DNAH9: variants seen among roughly 807,000 people sequenced by gnomAD.
DNAH9 encodes the protein dynein axonemal heavy chain 9.
In DNAH9, 345 loss-of-function variants were observed where a neutral mutation model predicts 471.6. The ratio of observed to expected loss-of-function variants is 0.73; its 90% CI spans 0.67 to 0.80. The LOEUF (loss-of-function observed/expected upper bound fraction) is 0.80. Among genes scored for constraint, DNAH9 ranks in the 30% least tolerant of loss-of-function variants. The pLI, the probability that DNAH9 is intolerant of heterozygous loss-of-function variation, is 0.00. For missense variants in DNAH9, 5,407 were observed against 5,609.2 expected (o/e 0.96, Z 1.15); for synonymous variants, 2,093 against 2,123.6 (o/e 0.99, Z 0.40).
Position 11,752,170 on chromosome 17 carries a change from T to A in DNAH9, c.6611-663T>A, listed in dbSNP as rs185173493. The stretch of plus-strand genomic sequence containing the variant: ...AAAATCAATTCTGCCCAAATTAATA[T>A]ATAAATTTCAGGTAATGACAATTAG... On this transcript the variant is annotated intron_variant, in intron 32 of 68. Transcript: ENST00000262442. Among the ~76,000 whole-genome samples the A allele has an allele frequency of 7.8e-4, 119 of 152,340 alleles. 1 individual carries two copies. The highest frequency in any genetic ancestry group is 2.7e-3 in the African/African-American group (112 of 41,578).
intron 48 of DNAH9, among the ~76,000 whole-genome samples, chr17:11,834,328 C>CAAAAAAAAAAAAAAAAAAAAAAAAA (rs762924565): frequency 1.3e-5 from 1 of 77,820 alleles, no homozygotes; most frequent in Admixed American, 2.0e-4. Context: ...GACTCCGTCT[C>CAAAAAAAAAAAAAAAAAAAAAAAAA]AAAAAAAAAA....
intron 14 of DNAH9, among the ~76,000 whole-genome samples, chr17:11,654,539 GA>G (rs1042195702): frequency 6.6e-6 from 1 of 151,530 alleles, no homozygotes; most frequent in African/African-American, 2.4e-5. Flanking sequence ...CAGTGACCTA[GA>G]AAAAAGTACA....
At chr17:11,920,577 C>CAT (rs1974106265) in intron 61 of DNAH9, among the ~76,000 whole-genome samples, 1 of 145,274 alleles carries the variant, frequency 6.9e-6, no homozygotes, top group Non-Finnish European at 1.5e-5. Flanking sequence ...GCTGAGATTG[C>CAT]GCCATTGCAC....
chr17:11,683,143 A>AT (rs954050375), intron 19 of DNAH9, among the ~76,000 whole-genome samples: 2 of 152,080 alleles, frequency 1.3e-5, no homozygotes, highest in African/African-American at 4.8e-5. Flanking sequence ...AGACACTAAT[A>AT]TTTTTGCACC....
At chr17:11,907,990 T>G (rs149614779) in intron 61 of DNAH9, among the ~76,000 whole-genome samples, 30 of 152,340 alleles carry the variant, frequency 2.0e-4, no homozygotes, top group African/African-American at 7.2e-4. Context: ...TGCACTGTGT[T>G]CTGTCTGTGT....
At chr17:11,926,052 A>G (rs2151031351) in intron 62 of DNAH9, among the ~76,000 whole-genome samples, 1 of 149,094 alleles carries the variant, frequency 6.7e-6, no homozygotes, top group South Asian at 2.1e-4. Flanking sequence ...AAAAAAAAAA[A>G]AAAAAAAAAA....
intron 59 of DNAH9, among the ~76,000 whole-genome samples, chr17:11,895,397 A>G (rs1973188627): frequency 6.6e-6 from 1 of 152,180 alleles, no homozygotes; most frequent in African/African-American, 2.4e-5. Flanking sequence ...TCCCATGTTT[A>G]TTGCATTTTA....
chr17:11,877,460 C>T (rs908497122), intron 53 of DNAH9, among the ~76,000 whole-genome samples: 4 of 69,904 alleles, frequency 5.7e-5, no homozygotes, highest in Non-Finnish European at 7.7e-5. Context: ...GGGACAAGAA[C>T]GAAAACTCTG....
At chr17:11,665,553 C>T (rs1342652744) in intron 15 of DNAH9, among the ~76,000 whole-genome samples, 2 of 151,732 alleles carry the variant, frequency 1.3e-5, no homozygotes, top group Admixed American at 6.6e-5. Flanking sequence ...CAATTAAAGG[C>T]TTTGAATTTA....
intron 38 of DNAH9, among the ~76,000 whole-genome samples, chr17:11,779,693 C>T (rs554749176): frequency 6.6e-6 from 1 of 152,276 alleles, no homozygotes; most frequent in South Asian, 2.1e-4. Context: ...AAGAACTGTT[C>T]TCAAAAGCAT....
Position 11,669,796 on chromosome 17 carries a change from T to TA in DNAH9, c.3353+3dup. The TA allele has an allele frequency of 6.2e-7, 1 of 1,612,034 alleles. No homozygotes were observed. The highest frequency in any genetic ancestry group is 8.5e-7 in the Non-Finnish European group (1 of 1,178,556). ...TCTTGTGGACCACGTCACTCACAGG[T>TA]ACAACAGTTGTTTTCACTTTCTTCC... On this transcript the variant is annotated splice_region_variant and intron_variant, in intron 17 of 68. Transcript: ENST00000262442.
At chr17:11,931,001 C>G (rs916592335) in intron 63 of DNAH9, among the ~76,000 whole-genome samples, 17 of 152,020 alleles carry the variant, frequency 1.1e-4, no homozygotes, top group Admixed American at 7.2e-4. Flanking sequence ...AGGTCCAAGC[C>G]CGTGGTGGCC....
At position 11,834,796 on chromosome 17, in the gene DNAH9, C is replaced by G; in HGVS notation, c.9405C>G (p.Ile3135Met). 1 of 1,614,086 alleles carries G rather than the reference C, an allele frequency of 6.2e-7. No individual in the cohort carries two copies. The highest frequency in any genetic ancestry group is 1.1e-5 in the South Asian group (1 of 91,062). The change falls in exon 49 of 69, where the codon ATC becomes ATG. Residue 3135 changes from isoleucine (I) to methionine (M), a missense_variant. Ile to Met is a conservative substitution (Grantham distance 10, BLOSUM62 1). Transcript: ENST00000262442. The part of the protein sequence containing the change: ...ADEEEQKVAV[I>M]MLEVKQKQKD... ...AAGAGGAGCAGAAGGTGGCCGTCAT[C>G]ATGCTAGAGGTGAAACAGAAGCAGA...
chr17:11,948,224 C>CTTTTT lies in DNAH9; in HGVS notation c.12843+5758_12843+5762dup, dbSNP rs1211322234. Among the ~76,000 whole-genome samples, 58 of 86,732 alleles carry CTTTTT rather than the reference C, an allele frequency of 6.7e-4. 2 individuals are homozygous for CTTTTT. The highest frequency in any genetic ancestry group is 2.7e-3 in the African/African-American group (52 of 19,052). 56.9% of individuals were successfully genotyped at this position (86,732 alleles called of 152,430 possible). On this transcript the variant is annotated intron_variant, in intron 67 of 68. Coordinates refer to ENST00000262442, the MANE Select transcript of DNAH9 (RefSeq NM_001372.4). ...TGCTGACTGGGGATCTAATCTGGCT[C>CTTTTT]TTTTTTTTTTTTTTTTTTTTTTTGA...
At chr17:11,771,925 G>T (rs1236935510) in intron 38 of DNAH9, among the ~76,000 whole-genome samples, 1 of 152,054 alleles carries the variant, frequency 6.6e-6, no homozygotes, top group Middle Eastern at 3.2e-3. Context: ...ATAAGAATTT[G>T]TATTACCTTC....
chr17:11,700,831 A>G (rs558741739), intron 23 of DNAH9, among the ~76,000 whole-genome samples: 2 of 152,216 alleles, frequency 1.3e-5, no homozygotes, highest in African/African-American at 2.4e-5. Flanking sequence ...CCAGATTTCT[A>G]TTTCCTTGTA....
At chr17:11,660,209 C>T (rs2073732480) in intron 14 of DNAH9, among the ~76,000 whole-genome samples, 1 of 151,556 alleles carries the variant, frequency 6.6e-6, no homozygotes, top group Admixed American at 6.6e-5. Context: ...TTAAGCCTTT[C>T]TCTTGAATAT....
intron 8 of DNAH9, 25 bp from the exon 9 acceptor site, chr17:11,636,609 T>C: frequency 6.2e-7 from 1 of 1,607,160 alleles, no homozygotes; most frequent in Non-Finnish European, 8.5e-7. Context: ...ATTTTTTTCC[T>C]CTTTTTCCTC....
At chr17:11,679,199 T>C (rs888970702) in intron 17 of DNAH9, among the ~76,000 whole-genome samples, 15 of 152,240 alleles carry the variant, frequency 9.9e-5, no homozygotes, top group Non-Finnish European at 2.9e-5. Flanking sequence ...CTTCCTGCCA[T>C]ATAGTAAAGT....
Sources: gnomAD v4.1 joint callset for allele counts (sites outside exome capture counted in the v4.1 genomes callset) on GRCh38, gnomAD v4.1.1 for gene constraint, MANE v1.5 for transcripts, NCBI Gene and HGNC (gene_info 2026-07-23, HGNC 2026-07-21) for gene names.